The following ADAMTS3 variants were observed in gnomAD, a reference collection of about 807,000 sequenced individuals.
The protein encoded by ADAMTS3 is A disintegrin and metalloproteinase with thrombospondin motifs 3.
A neutral mutation model predicts 129.0 loss-of-function variants in ADAMTS3; 73 were observed. That is an observed-to-expected ratio of 0.57 (90% CI 0.47 to 0.69). The LOEUF (loss-of-function observed/expected upper bound fraction) is 0.69, where lower values mean the gene tolerates loss of function less well. Among genes scored for constraint, ADAMTS3 ranks in the 30% least tolerant of loss-of-function variants. ADAMTS3 has a pLI of 0.00. For missense variants in ADAMTS3, 1,457 were observed against 1,514.5 expected (o/e 0.96, Z 0.63); for synonymous variants, 477 against 510.8 (o/e 0.93, Z 0.89).
intron 4 of ADAMTS3, among the ~76,000 whole-genome samples, chr4:72,389,208 C>T (rs544308886): frequency 6.6e-6 from 1 of 152,270 alleles, no homozygotes; most frequent in South Asian, 2.1e-4. Flanking sequence ...CCGAGGATAA[C>T]AGCCTCAGGA....
chr4:72,288,524 C>T (rs1293152870), intron 21 of ADAMTS3, among the ~76,000 whole-genome samples: 1 of 152,136 alleles, frequency 6.6e-6, no homozygotes, highest in African/African-American at 2.4e-5. Flanking sequence ...TCCAATGCCA[C>T]CAGCCAGAAA....
At chr4:72,371,724 A>G (rs1721014535) in intron 4 of ADAMTS3, among the ~76,000 whole-genome samples, 1 of 152,082 alleles carries the variant, frequency 6.6e-6, no homozygotes, top group African/African-American at 2.4e-5. Context: ...ACTAAAGAAC[A>G]AACATTTTAA....
intron 4 of ADAMTS3, among the ~76,000 whole-genome samples, chr4:72,405,464 T>C (rs2109914591): frequency 6.6e-6 from 1 of 152,218 alleles, no homozygotes; most frequent in African/African-American, 2.4e-5. Flanking sequence ...AAAAAACAGA[T>C]TTGTAAGCTA....
intron 4 of ADAMTS3, among the ~76,000 whole-genome samples, chr4:72,383,526 G>T (rs1037348905): frequency 2.6e-5 from 4 of 152,186 alleles, no homozygotes; most frequent in Non-Finnish European, 4.4e-5. Flanking sequence ...AGTCATAGAA[G>T]GTGACTTCCA....
At chr4:72,529,834 CAT>C (rs1375118668) in intron 3 of ADAMTS3, among the ~76,000 whole-genome samples, 15 of 73,480 alleles carry the variant, frequency 2.0e-4, no homozygotes, top group East Asian at 1.7e-3. Context: ...TAATATATAA[CAT>C]ATAATATATT....
At chr4:72,540,534 A>C (rs1578778347) in intron 3 of ADAMTS3, among the ~76,000 whole-genome samples, 1 of 152,320 alleles carries the variant, frequency 6.6e-6, no homozygotes, top group South Asian at 2.1e-4. Flanking sequence ...TTAATCCCCA[A>C]GACTATGGGG....
chr4:72,567,586 A>G (rs1489868835), intron 1 of ADAMTS3, among the ~76,000 whole-genome samples, 185 bp from the exon 2 acceptor site: 3 of 152,196 alleles, frequency 2.0e-5, no homozygotes, highest in Non-Finnish European at 4.4e-5. Flanking sequence ...TTCCATAACA[A>G]TTTGGGGAAG....
At chr4:72,530,238 A>T (rs1294343107) in intron 3 of ADAMTS3, among the ~76,000 whole-genome samples, 1 of 80,192 alleles carries the variant, frequency 1.2e-5, no homozygotes, top group Non-Finnish European at 2.1e-5. Context: ...TATATATATT[A>T]AATATATATA....
chr4:72,361,551 A>C (rs1720728167), intron 4 of ADAMTS3, among the ~76,000 whole-genome samples: 1 of 152,122 alleles, frequency 6.6e-6, no homozygotes, highest in Non-Finnish European at 1.5e-5. Flanking sequence ...TTTTGTAATT[A>C]TGGAGATTTG....
At chr4:72,553,958 T>TA (rs1248255546) in intron 2 of ADAMTS3, among the ~76,000 whole-genome samples, 2 of 152,196 alleles carry the variant, frequency 1.3e-5, no homozygotes, top group Non-Finnish European at 2.9e-5. Flanking sequence ...GGGTATTTTT[T>TA]ATTCAGGATC....
chr4:72,353,237 G>A (rs1010143854), intron 4 of ADAMTS3, among the ~76,000 whole-genome samples: 8 of 151,966 alleles, frequency 5.3e-5, no homozygotes, highest in Non-Finnish European at 8.8e-5. Flanking sequence ...GAAGCTACTT[G>A]GGAGTCATCA....
chr4:72,343,011 A>G (rs556325660), intron 4 of ADAMTS3, among the ~76,000 whole-genome samples: 76 of 152,316 alleles, frequency 5.0e-4, no homozygotes, highest in Non-Finnish European at 9.0e-4. Flanking sequence ...TGTGAGAGAG[A>G]AGGGCACCCA....
chr4:72,477,450 G>A (rs948622496), intron 3 of ADAMTS3, among the ~76,000 whole-genome samples: 5 of 151,942 alleles, frequency 3.3e-5, no homozygotes, highest in Admixed American at 6.6e-5. Flanking sequence ...TACTGGGTAC[G>A]TAACGAAATG....
At chr4:72,291,115 A>G (rs1718651713) in intron 19 of ADAMTS3, 53 bp from the exon 20 acceptor site, 2 of 1,581,838 alleles carry the variant, frequency 1.3e-6, no homozygotes, top group African/African-American at 1.3e-5. Flanking sequence ...TATAGTGTAC[A>G]CATTTCTACC....
rs1177470614 is a variant in ADAMTS3, at chr4:72,548,812, A to G, written c.170T>C (p.Leu57Pro). The change falls in exon 3 of 22, where the codon CTC becomes CCC. Residue 57 changes from leucine to proline, a missense_variant. Transcript: ENST00000286657. ...PVSTNLEGRY[L>P]SHTLSASHKK... ...GTGACTCGCAGAAAGAGTATGGGAG[A>G]GATAGCGTCCTTCTAGATTTGTGCT... The G allele has an allele frequency of 1.2e-5, 20 of 1,613,870 alleles. No individual in the cohort carries two copies. The highest frequency in any genetic ancestry group is 1.7e-5 in the Non-Finnish European group (20 of 1,179,864).
intron 3 of ADAMTS3, among the ~76,000 whole-genome samples, chr4:72,424,938 A>G (rs1003263247): frequency 6.6e-6 from 1 of 152,006 alleles, no homozygotes; most frequent in South Asian, 2.1e-4. Flanking sequence ...TATATTGTCA[A>G]TATTTTATTG....
chr4:72,407,656 A>G (rs1722082504), intron 4 of ADAMTS3, among the ~76,000 whole-genome samples: 1 of 152,152 alleles, frequency 6.6e-6, no homozygotes, highest in African/African-American at 2.4e-5. Context: ...CAGTCCTGTG[A>G]GAAAGAATGG....
intron 3 of ADAMTS3, among the ~76,000 whole-genome samples, chr4:72,528,536 A>G (rs1299924402): frequency 1.3e-5 from 2 of 151,738 alleles, no homozygotes; most frequent in Non-Finnish European, 2.9e-5. Context: ...AAAAAAAAAA[A>G]AAACAGATGC....
chr4:72,304,113 T>C (rs769260640), intron 16 of ADAMTS3, 33 bp from the exon 17 acceptor site: 20 of 1,597,644 alleles, frequency 1.3e-5, no homozygotes, highest in Non-Finnish European at 1.7e-5. Context: ...CCAGCATACA[T>C]TTTATTTTAT....
Sources: gnomAD v4.1 joint callset for allele counts (sites outside exome capture counted in the v4.1 genomes callset) on GRCh38, gnomAD v4.1.1 for gene constraint, MANE v1.5 for transcripts, NCBI Gene and HGNC (gene_info 2026-07-23, HGNC 2026-07-21) for gene names.